Variants in NSUN6 observed in about 807,000 individuals in gnomAD.
The protein encoded by NSUN6 is NOP2/Sun RNA methyltransferase 6.
Under a neutral mutation model 58.0 loss-of-function variants are expected in NSUN6, and 64 were observed. That is an observed-to-expected ratio of 1.10 (90% CI 0.90 to 1.36). NSUN6 has a LOEUF of 1.36. NSUN6 is among the 40% of genes most tolerant of loss of function. NSUN6 has a pLI of 0.00. For missense variants in NSUN6, 701 were observed against 550.1 expected, an observed-to-expected ratio of 1.27 and a Z score of -2.74; for synonymous variants, 231 against 193.9, an observed-to-expected ratio of 1.19 and a Z score of -1.59.
At chr10:18,557,787 T>A (rs1321778334) in intron 8 of NSUN6, among the ~76,000 whole-genome samples, 1 of 146,378 alleles carries the variant, frequency 6.8e-6, no homozygotes, top group Non-Finnish European at 1.5e-5. Context: ...CAGAATGGAA[T>A]GGATAATGGA....
Position 18,614,599 on chromosome 10 carries a change from C to A in NSUN6, c.436G>T (p.Asp146Tyr). Residue 146 changes from aspartate to tyrosine, a missense_variant, in exon 5 of 11, where the codon GAT becomes TAT. Asp to Tyr is a radical substitution (Grantham distance 160, BLOSUM62 -3). Transcript: ENST00000377304. ...VSASQFMKAGDVISVYSDIKG... is the reference protein window; with the variant it reads ...VSASQFMKAGYVISVYSDIKG... ...ATATCAGAGTATACAGAAATAACAT[C>A]TCCAGCTTTCATAACTAGAGAAAGA... 1.4e-6 allele frequency: 2 copies of A among 1,418,782 alleles called. No individual in the cohort carries two copies. Among genetic ancestry groups the A allele is most frequent in the Non-Finnish European group, 1.9e-6 (2 of 1,056,014 alleles). 87.9% of individuals were successfully genotyped at this position (1,418,782 alleles called of 1,614,324 possible). A position where few individuals can be genotyped will look rare whatever the true frequency, so the allele number is the denominator to read the frequency against.
chr10:18,644,517 G>C (rs1229374923), intron 2 of NSUN6, among the ~76,000 whole-genome samples: 1 of 119,988 alleles, frequency 8.3e-6, no homozygotes, highest in Non-Finnish European at 1.8e-5. Flanking sequence ...TTTTTTTACT[G>C]TTAAGTGCTT....
intron 3 of NSUN6, among the ~76,000 whole-genome samples, chr10:18,617,309 T>C (rs1014874927): frequency 2.0e-5 from 3 of 150,230 alleles, no homozygotes; most frequent in Admixed American, 1.3e-4. Flanking sequence ...TGCCTCAGCC[T>C]CCTGAGTAAC....
chr10:18,640,255 T>C (rs1410903718), intron 3 of NSUN6, among the ~76,000 whole-genome samples: 1 of 152,108 alleles, frequency 6.6e-6, no homozygotes, highest in African/African-American at 2.4e-5. Context: ...ACAGAGACGG[T>C]CTATAAAAAA....
chr10:18,576,651 T>C (rs1157491732), intron 8 of NSUN6, among the ~76,000 whole-genome samples: 1 of 152,186 alleles, frequency 6.6e-6, no homozygotes, highest in Non-Finnish European at 1.5e-5. Context: ...CAACACTAAG[T>C]TCACTTTGTG....
At chr10:18,638,039 G>A (rs1443395303) in intron 3 of NSUN6, among the ~76,000 whole-genome samples, 1 of 152,152 alleles carries the variant, frequency 6.6e-6, no homozygotes, top group South Asian at 2.1e-4. Context: ...TTATATTTAT[G>A]TACAACTCTA....
chr10:18,631,967 A>G (rs1273327745), intron 3 of NSUN6, among the ~76,000 whole-genome samples: 2 of 152,148 alleles, frequency 1.3e-5, no homozygotes, highest in Non-Finnish European at 2.9e-5. Flanking sequence ...AGCGAAAAGA[A>G]CAAAGCTGGA....
chr10:18,584,026 T>G (rs1338356058), intron 8 of NSUN6, among the ~76,000 whole-genome samples: 4 of 152,246 alleles, frequency 2.6e-5, no homozygotes, highest in South Asian at 4.2e-4. Flanking sequence ...CCAAGACAGA[T>G]CTCTCCTAGA....
At chr10:18,644,297 T>G (rs1040182950) in intron 2 of NSUN6, among the ~76,000 whole-genome samples, 22 of 152,254 alleles carry the variant, frequency 1.4e-4, no homozygotes, top group Admixed American at 7.8e-4. Flanking sequence ...TCCAAAACTT[T>G]TTGAATGCTG....
upstream of NSUN6, chr10:18,651,670 C>T (rs1035965211): frequency 6.1e-6 from 6 of 986,010 alleles, no homozygotes; most frequent in Non-Finnish European, 7.2e-6. Flanking sequence ...GCCCACCCCT[C>T]CCTTTCCGGT....
chr10:18,593,990 A>C (rs1010479881), intron 7 of NSUN6, among the ~76,000 whole-genome samples: 1 of 152,042 alleles, frequency 6.6e-6, no homozygotes, highest in African/African-American at 2.4e-5. Flanking sequence ...ACTTGAGGCC[A>C]GGAGTTTGAA....
chr10:18,641,812 T>G (rs1268882491), intron 3 of NSUN6, among the ~76,000 whole-genome samples: 1 of 152,230 alleles, frequency 6.6e-6, no homozygotes, highest in African/African-American at 2.4e-5. Context: ...CTCACATCAG[T>G]AATCCCAATA....
At chr10:18,641,160 C>T (rs1437979878) in intron 3 of NSUN6, among the ~76,000 whole-genome samples, 1 of 152,086 alleles carries the variant, frequency 6.6e-6, no homozygotes, top group African/African-American at 2.4e-5. Flanking sequence ...TATCCCATTG[C>T]ATGGACAAAT....
At chr10:18,586,601 T>C (rs1032099266) in intron 7 of NSUN6, among the ~76,000 whole-genome samples, 13 of 152,098 alleles carry the variant, frequency 8.5e-5, no homozygotes, top group African/African-American at 3.1e-4. Flanking sequence ...CAGAGTTGTT[T>C]GTTCCTCCCA....
At chr10:18,616,610 C>T (rs1321881353) in intron 3 of NSUN6, among the ~76,000 whole-genome samples, 1 of 152,124 alleles carries the variant, frequency 6.6e-6, no homozygotes, top group Non-Finnish European at 1.5e-5. Context: ...TCTCTGTCTT[C>T]AAAGACTAAA....
intron 8 of NSUN6, among the ~76,000 whole-genome samples, chr10:18,584,669 AT>A (rs1415674483): frequency 6.6e-6 from 1 of 152,206 alleles, no homozygotes; most frequent in Non-Finnish European, 1.5e-5. Flanking sequence ...CAATGTACAC[AT>A]CCAAAAAGAA....
intron 6 of NSUN6, among the ~76,000 whole-genome samples, chr10:18,603,556 C>T (rs1034325681): frequency 1.3e-5 from 2 of 151,670 alleles, no homozygotes; most frequent in African/African-American, 4.8e-5. Context: ...CTTCAACCTC[C>T]GCCTCCCGGG....
intron 8 of NSUN6, among the ~76,000 whole-genome samples, chr10:18,558,588 A>G (rs1029047694): frequency 6.6e-6 from 1 of 150,686 alleles, no homozygotes; most frequent in African/African-American, 2.4e-5. Flanking sequence ...GAATGTAATG[A>G]AATGGAGGTT....
intron 8 of NSUN6, among the ~76,000 whole-genome samples, chr10:18,552,922 C>T (rs908999323): frequency 2.2e-5 from 3 of 136,672 alleles, no homozygotes; most frequent in Admixed American, 7.1e-5. Context: ...CCACTACACT[C>T]GACTCTCCAT....
Sources: allele counts gnomAD v4.1 joint callset (sites outside exome capture counted in the v4.1 genomes callset), GRCh38; gene constraint gnomAD v4.1.1; transcripts MANE v1.5; gene names NCBI Gene and HGNC (gene_info 2026-07-23, HGNC 2026-07-21).